The following TINAG variants were observed in gnomAD, a reference collection of about 807,000 sequenced individuals.
TINAG encodes tubulointerstitial nephritis antigen.
In TINAG, 83 loss-of-function variants were observed where a neutral mutation model predicts 72.7. The ratio of observed to expected loss-of-function variants is 1.14; its 90% CI spans 0.96 to 1.37. The LOEUF (loss-of-function observed/expected upper bound fraction) is 1.37, where lower values mean the gene tolerates loss of function less well. Among genes scored for constraint, TINAG ranks in the 40% most tolerant of loss-of-function variants. TINAG has a pLI of 0.00. For synonymous variants in TINAG, 234 were observed against 189.9 expected, an observed-to-expected ratio of 1.23 and a Z score of -1.91; for missense variants, 685 against 576.6, an observed-to-expected ratio of 1.19 and a Z score of -1.93.
At chr6:54,341,675 G>A (rs971363430) in intron 4 of TINAG, among the ~76,000 whole-genome samples, 3 of 152,054 alleles carry the variant, frequency 2.0e-5, no homozygotes, top group African/African-American at 7.2e-5. Flanking sequence ...CTTATCAGAA[G>A]TAATTTTTTT....
intron 7 of TINAG, 102 bp from the exon 8 acceptor site, chr6:54,351,250 A>T: frequency 9.8e-7 from 1 of 1,022,152 alleles, no homozygotes; most frequent in Non-Finnish European, 1.5e-6. Context: ...TTTTCAAAGT[A>T]CAATTGAGAG....
intron 9 of TINAG, among the ~76,000 whole-genome samples, chr6:54,378,174 T>C (rs1455127269): frequency 3.3e-5 from 5 of 152,194 alleles, no homozygotes; most frequent in Admixed American, 3.3e-4. Flanking sequence ...GTGTTATTTT[T>C]CCATGTGTGA....
chr6:54,382,859 G>T (rs1763991595), intron 10 of TINAG, among the ~76,000 whole-genome samples: 1 of 152,066 alleles, frequency 6.6e-6, no homozygotes, highest in East Asian at 1.9e-4. Context: ...TTTCCCAAAA[G>T]GAAGGAAAAA....
Position 54,344,931 on chromosome 6 carries a change from T to TA in TINAG, c.748+1583dup, listed in dbSNP as rs541508648. On this transcript the variant is annotated intron_variant, in intron 5 of 10. Transcript: ENST00000259782. ...AAAAATTACGTCGAGAAGTATTAGT[T>TA]ACAAAAATAGATTATCTCTCAGAGA... Among the ~76,000 whole-genome samples the TA allele has an allele frequency of 3.6e-4, 55 of 152,268 alleles. No individual in the cohort carries two copies. In the South Asian group the frequency reaches 0.011, roughly 31 times the overall value.
At chr6:54,349,537 G>A (rs1785209715) in intron 6 of TINAG, among the ~76,000 whole-genome samples, 179 bp from the exon 7 acceptor site, 1 of 151,844 alleles carries the variant, frequency 6.6e-6, no homozygotes, top group African/African-American at 2.4e-5. Flanking sequence ...ATAAGAGGAG[G>A]GTAGGGAAGA....
intron 1 of TINAG, among the ~76,000 whole-genome samples, chr6:54,315,729 A>T (rs1049186005): frequency 6.6e-6 from 1 of 152,028 alleles, no homozygotes. Context: ...AGAACCAGTG[A>T]CAGAGTTGAA....
chr6:54,342,473 A>G (rs910225959), intron 4 of TINAG, among the ~76,000 whole-genome samples: 1 of 151,192 alleles, frequency 6.6e-6, no homozygotes, highest in African/African-American at 2.4e-5. Flanking sequence ...GGTTCAAGTG[A>G]TTCTCCCACC....
chr6:54,324,597 C>T (rs1421886607), intron 3 of TINAG, among the ~76,000 whole-genome samples: 2 of 152,174 alleles, frequency 1.3e-5, no homozygotes, highest in Non-Finnish European at 2.9e-5. Context: ...TCATTTTTCA[C>T]TGTTTTCTCA....
Position 54,326,351 on chromosome 6 carries a change from T to A in TINAG, c.510-451T>A, listed in dbSNP as rs1216850119. On this transcript the variant is annotated intron_variant, in intron 3 of 10. Coordinates refer to ENST00000259782, the MANE Select transcript of TINAG (RefSeq NM_014464.4). ...AATCTGATGTCATTTTTAAAAATTATACCTATTTTATCCTTCATTTTTCAT... is the reference window on the plus strand; with the variant it reads ...AATCTGATGTCATTTTTAAAAATTAAACCTATTTTATCCTTCATTTTTCAT... Among the ~76,000 whole-genome samples the A allele has an allele frequency of 2.6e-5, 4 of 152,070 alleles. No individual in the cohort carries two copies. The East Asian group carries it at 7.7e-4, about 29-fold the overall frequency.
intron 9 of TINAG, among the ~76,000 whole-genome samples, chr6:54,371,981 GT>G (rs576340253): frequency 0.015 from 1,072 of 71,436 alleles, 33 homozygotes; most frequent in African/African-American, 0.047. Context: ...TTCAAGTCAT[GT>G]TTTTTTTTTT....
intron 7 of TINAG, among the ~76,000 whole-genome samples, chr6:54,350,165 T>C (rs1027903293): frequency 6.6e-6 from 1 of 152,074 alleles, no homozygotes; most frequent in Non-Finnish European, 1.5e-5. Context: ...TATGTGTATA[T>C]ACATATATTT....
At chr6:54,367,618 G>T (rs957455197) in intron 9 of TINAG, among the ~76,000 whole-genome samples, 1 of 151,700 alleles carries the variant, frequency 6.6e-6, no homozygotes, top group African/African-American at 2.4e-5. Context: ...AAAGGCGAAC[G>T]TGTTAATTAT....
At chr6:54,350,960 A>G (rs973477717) in intron 7 of TINAG, among the ~76,000 whole-genome samples, 1 of 151,890 alleles carries the variant, frequency 6.6e-6, no homozygotes, top group Non-Finnish European at 1.5e-5. Flanking sequence ...AGAGGGCTTC[A>G]TTAAACATTA....
In TINAG at chr6:54,321,387, G is replaced by A. The variant is rs1366142495; in HGVS notation, c.509+1G>A. 1 of 1,605,398 alleles carries A rather than the reference G, an allele frequency of 6.2e-7. No individual in the cohort carries two copies. The highest frequency in any genetic ancestry group is 1.7e-5 in the Admixed American group (1 of 59,958). ...AACAGGTCAATAAAGGAGACTATGG[G>A]TGAGAGAAATCTTGCTTTGTATGTT... On this transcript the variant is annotated splice_donor_variant, in intron 3 of 10. Coordinates refer to ENST00000259782, the MANE Select transcript of TINAG (RefSeq NM_014464.4). LOFTEE classifies it high-confidence loss of function.
chr6:54,335,240 A>C (rs1349313612), intron 4 of TINAG, among the ~76,000 whole-genome samples: 1 of 152,244 alleles, frequency 6.6e-6, no homozygotes, highest in Non-Finnish European at 1.5e-5. Context: ...AAGAAAAGGA[A>C]ATTTAATTCA....
At chr6:54,308,310 T>G, upstream of TINAG, 1 of 643,096 alleles carries the variant, frequency 1.6e-6, no homozygotes, top group Non-Finnish European at 2.6e-6. Context: ...ATATGAAATA[T>G]AAGTTTTTTA....
intron 9 of TINAG, among the ~76,000 whole-genome samples, chr6:54,359,364 C>T (rs922727578): frequency 2.0e-5 from 3 of 151,826 alleles, no homozygotes; most frequent in African/African-American, 7.2e-5. Flanking sequence ...TTTTCTACCA[C>T]ACACTAGGTA....
chr6:54,351,592 T>A (rs1232254733), intron 8 of TINAG, among the ~76,000 whole-genome samples, 195 bp downstream of exon 8: 1 of 151,942 alleles, frequency 6.6e-6, no homozygotes, highest in Non-Finnish European at 1.5e-5. Context: ...TGCCATTTTA[T>A]TTTCAGAAGA....
intron 1 of TINAG, among the ~76,000 whole-genome samples, chr6:54,311,630 G>A (rs1371510678): frequency 6.6e-6 from 1 of 152,094 alleles, no homozygotes. Flanking sequence ...GTGGGTTTGA[G>A]CTTCTCTTCA....
Sources: allele counts gnomAD v4.1 joint callset (sites outside exome capture counted in the v4.1 genomes callset), GRCh38; gene constraint gnomAD v4.1.1; transcripts MANE v1.5; gene names NCBI Gene and HGNC (gene_info 2026-07-23, HGNC 2026-07-21).